Variants in PIP4K2A observed in about 807,000 individuals in gnomAD.
The protein encoded by PIP4K2A is phosphatidylinositol 5-phosphate 4-kinase type-2 alpha.
In PIP4K2A, 14 loss-of-function variants were observed where a neutral mutation model predicts 42.9. The observed-to-expected ratio is 0.33, with a 90% CI of 0.22 to 0.51. PIP4K2A has a LOEUF of 0.51. PIP4K2A is among the 20% of genes least tolerant of loss of function. PIP4K2A has a pLI of 0.97. For synonymous variants in PIP4K2A, 192 were observed against 192.2 expected (o/e 1.00, Z 0.01); for missense variants, 434 against 519.8 (o/e 0.83, Z 1.61).
At chr10:22,556,335 C>G (rs957373486) in intron 6 of PIP4K2A, among the ~76,000 whole-genome samples, 18 of 152,274 alleles carry the variant, frequency 1.2e-4, no homozygotes, top group African/African-American at 4.3e-4. Context: ...CTAGAAAAAC[C>G]TCTGTGATCA....
At chr10:22,632,232 G>A (rs1391519992) in intron 1 of PIP4K2A, among the ~76,000 whole-genome samples, 2 of 152,050 alleles carry the variant, frequency 1.3e-5, no homozygotes, top group African/African-American at 4.8e-5. Context: ...ATGTAAATAA[G>A]AGCTTTCTAT....
intron 1 of PIP4K2A, among the ~76,000 whole-genome samples, chr10:22,645,098 TA>T (rs1838853093): frequency 6.6e-6 from 1 of 152,242 alleles, no homozygotes; most frequent in Non-Finnish European, 1.5e-5. Flanking sequence ...AATTGACTTT[TA>T]AAATACCAAA....
intron 1 of PIP4K2A, among the ~76,000 whole-genome samples, chr10:22,667,930 G>GAGGGAGAC (rs1314781223): frequency 8.1e-6 from 1 of 122,962 alleles, no homozygotes; most frequent in Non-Finnish European, 1.8e-5. Flanking sequence ...GAGGGGGAGG[G>GAGGGAGAC]AGGGAGACAG....
At chr10:22,681,561 C>T (rs1179183707) in intron 1 of PIP4K2A, among the ~76,000 whole-genome samples, 2 of 152,066 alleles carry the variant, frequency 1.3e-5, no homozygotes, top group African/African-American at 4.8e-5. Flanking sequence ...TGTGGTCCCA[C>T]ATACTCAAGA....
At chr10:22,538,342 A>G (rs1835991069) in intron 9 of PIP4K2A, among the ~76,000 whole-genome samples, 1 of 151,776 alleles carries the variant, frequency 6.6e-6, no homozygotes, top group African/African-American at 2.4e-5. Context: ...ACATGGAGCC[A>G]TATTGGCTAG....
rs1158860705 is a variant in PIP4K2A at position 22,635,422 on chromosome 10, T to C, written c.145-25705A>G. Among the ~76,000 whole-genome samples, 4 of 152,128 alleles carry C rather than the reference T, an allele frequency of 2.6e-5. No homozygotes were observed. The East Asian group carries it at 5.8e-4, about 22-fold the overall frequency. On this transcript the variant is annotated intron_variant, in intron 1 of 9. Coordinates refer to ENST00000376573, the MANE Select transcript of PIP4K2A (RefSeq NM_005028.5). ...ACCTAAAACTTCTGTAAAAAAATAA[T>C]GTCCATTTTAAATAAAAAGAAAAGT...
In PIP4K2A at chr10:22,605,451, G is replaced by A. The variant is rs767763881; in HGVS notation, c.339+2476C>T. Reference sequence around the variant, plus strand: ...ACTTACGTAGTTTTCTTTGTAGGGCGAAAAAAAGGGAAGGAAAACCAGTTC... The same window carrying A: ...ACTTACGTAGTTTTCTTTGTAGGGCAAAAAAAAGGGAAGGAAAACCAGTTC... On this transcript the variant is annotated intron_variant, in intron 3 of 9. Coordinates refer to ENST00000376573, the MANE Select transcript of PIP4K2A (RefSeq NM_005028.5). Among the ~76,000 whole-genome samples, 12 of 151,898 alleles carry A rather than the reference G, an allele frequency of 7.9e-5. No homozygotes were observed. In the South Asian group the frequency reaches 2.3e-3, roughly 29 times the overall value.
At chr10:22,593,062 C>A (rs1008818233) in intron 3 of PIP4K2A, among the ~76,000 whole-genome samples, 1 of 152,206 alleles carries the variant, frequency 6.6e-6, no homozygotes, top group Non-Finnish European at 1.5e-5. Flanking sequence ...TCCTTCCTTT[C>A]TAGATGAAAT....
intron 1 of PIP4K2A, among the ~76,000 whole-genome samples, chr10:22,611,898 C>G (rs1838050895): frequency 6.6e-6 from 1 of 152,206 alleles, no homozygotes. Context: ...GAGGTGGGAT[C>G]AGACACTGAT....
chr10:22,607,792 A>T (rs1367232065), intron 3 of PIP4K2A, 135 bp downstream of exon 3: 2 of 572,292 alleles, frequency 3.5e-6, no homozygotes, highest in Non-Finnish European at 6.3e-6. Context: ...ATGAACATTA[A>T]AAACTTCTTA....
chr10:22,703,515 A>C (rs949217148), intron 1 of PIP4K2A, among the ~76,000 whole-genome samples: 1 of 152,236 alleles, frequency 6.6e-6, no homozygotes, highest in Non-Finnish European at 1.5e-5. Flanking sequence ...GAACAGAAAA[A>C]GCGCAGGGCA....
intron 1 of PIP4K2A, among the ~76,000 whole-genome samples, chr10:22,653,936 C>T (rs1402801657): frequency 6.6e-6 from 1 of 152,198 alleles, no homozygotes; most frequent in Admixed American, 6.5e-5. Context: ...TTCTGAAGAA[C>T]TGGCAATCTG....
chr10:22,548,773 C>G (rs34696972), intron 7 of PIP4K2A, among the ~76,000 whole-genome samples: 2,708 of 152,176 alleles, frequency 0.018, 108 homozygotes, highest in Admixed American at 0.088. Flanking sequence ...AGGCTAAGCA[C>G]AGTGGCTCAT....
At chr10:22,563,955 C>T (rs566561733) in intron 6 of PIP4K2A, among the ~76,000 whole-genome samples, 27 of 152,188 alleles carry the variant, frequency 1.8e-4, no homozygotes, top group Admixed American at 5.9e-4. Flanking sequence ...ATGATGGCTA[C>T]GTGTTCATAT....
At chr10:22,565,198 A>C (rs1256318355) in intron 6 of PIP4K2A, among the ~76,000 whole-genome samples, 1 of 152,052 alleles carries the variant, frequency 6.6e-6, no homozygotes, top group Non-Finnish European at 1.5e-5. Context: ...CCATCCTTTC[A>C]GGGAGGATTC....
At chr10:22,564,404 C>G (rs1836787186) in intron 6 of PIP4K2A, among the ~76,000 whole-genome samples, 1 of 152,088 alleles carries the variant, frequency 6.6e-6, no homozygotes, top group Admixed American at 6.5e-5. Flanking sequence ...AGTGGTAGTC[C>G]CAAGGAACTT....
intron 1 of PIP4K2A, among the ~76,000 whole-genome samples, chr10:22,626,732 C>T (rs1348696691): frequency 7.2e-5 from 11 of 152,230 alleles, no homozygotes; most frequent in Admixed American, 6.5e-4. Flanking sequence ...CAACCATAAG[C>T]TCAATTTCTT....
rs984798773 is a variant in PIP4K2A, at chr10:22,535,437, C to A, written c.*1764G>T. The A allele has an allele frequency of 6.6e-6, 1 of 152,264 alleles. No individual in the cohort carries two copies. The highest frequency in any genetic ancestry group is 1.9e-4 in the East Asian group (1 of 5,200). The allele number at this position is 152,264 out of a possible 1,614,324, so 9.4% of individuals were successfully genotyped here. On this transcript the variant is annotated 3_prime_UTR_variant, in exon 10 of 10. Transcript: ENST00000376573. ...AGTGGACAGTATACGGAGGGCACGA[C>A]TGCTGGCTTCCAAAGACTCTGTGAA...
At chr10:22,619,490 G>A (rs2093170814) in intron 1 of PIP4K2A, among the ~76,000 whole-genome samples, 1 of 148,064 alleles carries the variant, frequency 6.8e-6, no homozygotes, top group Non-Finnish European at 1.5e-5. Flanking sequence ...AGGCTGGAGT[G>A]CAATGGCATG....
Sources: gnomAD v4.1 joint callset for allele counts (sites outside exome capture counted in the v4.1 genomes callset) on GRCh38, gnomAD v4.1.1 for gene constraint, MANE v1.5 for transcripts, NCBI Gene and HGNC (gene_info 2026-07-23, HGNC 2026-07-21) for gene names.